TNFSF10: variants seen among roughly 807,000 people sequenced by gnomAD.
TNFSF10 encodes the protein tumor necrosis factor ligand superfamily member 10.
TNFSF10 carries 13 observed loss-of-function variants against 29.5 expected under a neutral mutation model. The observed-to-expected ratio is 0.44, with a 90% CI of 0.29 to 0.70. TNFSF10 has a LOEUF of 0.70. Ranked by LOEUF, TNFSF10 falls within the 30% of genes least tolerant of loss-of-function variation. The probability of loss-of-function intolerance (pLI) is 0.13; values close to 1 mark genes in which losing one functional copy is unlikely to be tolerated. For missense variants in TNFSF10, 345 were observed against 330.9 expected (o/e 1.04, Z -0.33); for synonymous variants, 111 against 112.8 (o/e 0.98, Z 0.10).
At chr3:172,510,584 T>C (rs944229290) in intron 3 of TNFSF10, among the ~76,000 whole-genome samples, 5 of 152,224 alleles carry the variant, frequency 3.3e-5, no homozygotes, top group Middle Eastern at 3.4e-3. Flanking sequence ...CATGGATATA[T>C]CTTGGTATAC....
intron 1 of TNFSF10, chr3:172,518,168 G>T (rs1369317788): frequency 3.7e-6 from 4 of 1,094,040 alleles, no homozygotes; most frequent in Admixed American, 9.9e-5. Flanking sequence ...CCACACTTGG[G>T]CATTGGGGGC....
In TNFSF10 at chr3:172,523,317, G is replaced by A. The variant is rs547361844; in HGVS notation, c.68C>T (p.Thr23Ile). Residue 23 changes from threonine to isoleucine, a missense_variant, in exon 1 of 5, where the codon ACA (threonine) becomes ATA (isoleucine). Transcript: ENST00000241261. ...GQTCVLIVIFTVLLQSLCVAV... is the reference protein window; with the variant it reads ...GQTCVLIVIFIVLLQSLCVAV... ...CACACAGAGAGACTGCAGGAGCACT[G>A]TGAAGATCACGATCAGCACGCAGGT... The A allele has an allele frequency of 5.0e-6, 8 of 1,614,136 alleles. No homozygotes were observed. The South Asian group carries it at 7.7e-5, about 16-fold the overall frequency.
At chr3:172,516,103 A>C (rs1713422556) in intron 1 of TNFSF10, among the ~76,000 whole-genome samples, 1 of 152,112 alleles carries the variant, frequency 6.6e-6, no homozygotes, top group Non-Finnish European at 1.5e-5. Context: ...TCTACTAAAA[A>C]AATACAAAAA....
At chr3:172,514,130 C>T (rs1356902630) in intron 2 of TNFSF10, among the ~76,000 whole-genome samples, 1 of 152,204 alleles carries the variant, frequency 6.6e-6, no homozygotes, top group Non-Finnish European at 1.5e-5. Context: ...TGAGCCACTA[C>T]ACCCGGCTGC....
At chr3:172,517,251 G>C in intron 1 of TNFSF10, 1 of 829,464 alleles carries the variant, frequency 1.2e-6, no homozygotes, top group Non-Finnish European at 1.5e-6. Context: ...GGTCGTGGTG[G>C]AGCTTGTGCC....
chr3:172,516,063 C>T (rs1433331014), intron 1 of TNFSF10, among the ~76,000 whole-genome samples: 2 of 152,186 alleles, frequency 1.3e-5, no homozygotes, highest in South Asian at 2.1e-4. Context: ...GAGATCGAGA[C>T]CATCCTGGCT....
intron 1 of TNFSF10, chr3:172,517,921 C>G: frequency 1.0e-6 from 1 of 985,424 alleles, no homozygotes; most frequent in Non-Finnish European, 1.2e-6. Flanking sequence ...AGAGAGGAAG[C>G]CCCAGTCACT....
rs1713799787 is a variant in TNFSF10, at chr3:172,523,422, C to A, written c.-38G>T. The A allele has an allele frequency of 1.3e-6, 2 of 1,592,256 alleles. No individual in the cohort carries two copies. ...GTCTGACTGCTGTAAGTCAGCCAGG[C>A]AGCCGGTCACTGAAGCCCTTCCTTC... On this transcript the variant is annotated 5_prime_UTR_variant, in exon 1 of 5. Coordinates refer to ENST00000241261, the MANE Select transcript of TNFSF10 (RefSeq NM_003810.4).
intron 4 of TNFSF10, among the ~76,000 whole-genome samples, chr3:172,508,231 G>A (rs1393385174): frequency 2.0e-5 from 3 of 151,764 alleles, no homozygotes; most frequent in Admixed American, 6.6e-5. Context: ...GGAGGCAAAG[G>A]TTGCAGTGAG....
intron 1 of TNFSF10, chr3:172,518,160 A>C: frequency 4.6e-6 from 5 of 1,081,444 alleles, no homozygotes; most frequent in Non-Finnish European, 5.7e-6. Flanking sequence ...CTAACTAACC[A>C]CACTTGGGCA....
chr3:172,508,244 G>A (rs961606334), intron 4 of TNFSF10, among the ~76,000 whole-genome samples: 9 of 151,538 alleles, frequency 5.9e-5, no homozygotes, highest in Admixed American at 4.0e-4. Context: ...GCAGTGAGCC[G>A]AGATGGCACC....
rs1162823836 is a variant in TNFSF10 at position 172,506,938 on chromosome 3, G to C, written c.419-19C>G. 8 of 1,556,804 alleles carry C rather than the reference G, an allele frequency of 5.1e-6. No individual in the cohort carries two copies. Among genetic ancestry groups the C allele is most frequent in the Non-Finnish European group, 6.9e-6 (8 of 1,154,860 alleles). Reference sequence around the variant, plus strand: ...TTGGAGTCTGTAGGAAATTTAGAGAGAAAGAGCGTTAACAGAAGGGAATTT... The same window carrying C: ...TTGGAGTCTGTAGGAAATTTAGAGACAAAGAGCGTTAACAGAAGGGAATTT... On this transcript the variant is annotated intron_variant, in intron 4 of 4. Coordinates refer to ENST00000241261, the MANE Select transcript of TNFSF10 (RefSeq NM_003810.4).
chr3:172,520,659 T>C (rs970931530), intron 1 of TNFSF10, among the ~76,000 whole-genome samples: 1 of 152,184 alleles, frequency 6.6e-6, no homozygotes, highest in Non-Finnish European at 1.5e-5. Context: ...CCACAAGTAT[T>C]AGTATTAGTG....
intron 3 of TNFSF10, 97 bp downstream of exon 3, chr3:172,511,520 A>G (rs1713222927): frequency 1.0e-6 from 1 of 954,802 alleles, no homozygotes; most frequent in East Asian, 2.7e-5. Flanking sequence ...AGGATGGATG[A>G]GTGGATGAGA....
At chr3:172,515,810 T>G (rs1282218278) in intron 1 of TNFSF10, among the ~76,000 whole-genome samples, 1 of 152,064 alleles carries the variant, frequency 6.6e-6, no homozygotes, top group African/African-American at 2.4e-5. Flanking sequence ...CAGAACTCTT[T>G]AGGCTGATAA....
chr3:172,517,616 A>G, intron 1 of TNFSF10: 2 of 985,418 alleles, frequency 2.0e-6, no homozygotes, highest in South Asian at 9.4e-5. Context: ...CCTTTGGATG[A>G]TATCTCTTGT....
chr3:172,509,848 A>T (rs3181141), intron 3 of TNFSF10, among the ~76,000 whole-genome samples: 11 of 151,368 alleles, frequency 7.3e-5, no homozygotes, highest in African/African-American at 2.4e-4. Context: ...GCATGGTGGC[A>T]GGCACCTATA....
In TNFSF10 at chr3:172,517,327, C is replaced by T. The variant is rs75959039; in HGVS notation, c.133-2329G>A. 3,579 of 985,160 alleles carry T rather than the reference C, an allele frequency of 3.6e-3. 102 individuals carry two copies. The African/African-American group carries it at 0.054, about 15-fold the overall frequency. The allele number at this position is 985,160 out of a possible 1,614,324, so 61.0% of individuals were successfully genotyped here. A position where few individuals can be genotyped will look rare whatever the true frequency, so the allele number is the denominator to read the frequency against. On this transcript the variant is annotated intron_variant, in intron 1 of 4. Coordinates refer to ENST00000241261, the MANE Select transcript of TNFSF10 (RefSeq NM_003810.4). ...CCTGTGATCCCTTCTGAGTATTTTC[C>T]AGAAATACTTTCAGGAGGAGGTGGA... is the stretch of plus-strand genomic sequence containing the variant.
chr3:172,512,838 AT>A (rs1175589333), intron 2 of TNFSF10, among the ~76,000 whole-genome samples: 1 of 152,280 alleles, frequency 6.6e-6, no homozygotes, highest in Non-Finnish European at 1.5e-5. Flanking sequence ...GATGCCCTGC[AT>A]TCAAATGTTT....
Sources: allele counts gnomAD v4.1 joint callset (sites outside exome capture counted in the v4.1 genomes callset), GRCh38; gene constraint gnomAD v4.1.1; transcripts MANE v1.5; gene names NCBI Gene and HGNC (gene_info 2026-07-23, HGNC 2026-07-21).